ARHGAP10: variants seen among roughly 807,000 people sequenced by gnomAD.
The protein encoded by ARHGAP10 is Rho GTPase activating protein 10.
A neutral mutation model predicts 108.6 loss-of-function variants in ARHGAP10; 87 were observed. The ratio of observed to expected loss-of-function variants is 0.80; its 90% confidence interval spans 0.67 to 0.96. The LOEUF is 0.96. Ranked by LOEUF, ARHGAP10 falls within the 40% of genes least tolerant of loss-of-function variation. ARHGAP10 has a pLI of 0.00. For missense variants in ARHGAP10, 939 were observed against 954.5 expected, an observed-to-expected ratio of 0.98 and a Z score of 0.21; for synonymous variants, 347 against 341.1, an observed-to-expected ratio of 1.02 and a Z score of -0.19.
chr4:148,014,093 GA>G (rs1256823809), intron 18 of ARHGAP10, among the ~76,000 whole-genome samples: 5 of 152,060 alleles, frequency 3.3e-5, no homozygotes, highest in Non-Finnish European at 7.4e-5. Context: ...AAGAAGAGGA[GA>G]AAAAAAGGAA....
chr4:147,871,416 A>G (rs1734818936), intron 7 of ARHGAP10, among the ~76,000 whole-genome samples: 1 of 152,146 alleles, frequency 6.6e-6, no homozygotes, highest in Non-Finnish European at 1.5e-5. Flanking sequence ...TTACAATGAT[A>G]TGGTTTAGTT....
chr4:148,016,445 G>C (rs2149658473), intron 18 of ARHGAP10, among the ~76,000 whole-genome samples: 1 of 152,232 alleles, frequency 6.6e-6, no homozygotes, highest in South Asian at 2.1e-4. Context: ...CAAGGCTGCA[G>C]CGACCTGTGA....
chr4:148,063,138 C>T lies in ARHGAP10; in HGVS notation c.2028-10C>T, dbSNP rs1729695012. On this transcript the variant is annotated splice_polypyrimidine_tract_variant and intron_variant, in intron 20 of 22. Transcript: ENST00000336498. ...GCTATTAATCCTGTCCTTCAAACTCCTACCCTTAGCCCAGGCCAGACCCGA... is the reference window on the plus strand; with the variant it reads ...GCTATTAATCCTGTCCTTCAAACTCTTACCCTTAGCCCAGGCCAGACCCGA... 6.2e-7 allele frequency: 1 copy of T among 1,613,854 alleles called. No homozygotes were observed. The highest frequency in any genetic ancestry group is 1.3e-5 in the African/African-American group (1 of 74,892).
intron 1 of ARHGAP10, among the ~76,000 whole-genome samples, chr4:147,758,843 G>A (rs1199441731): frequency 2.0e-5 from 3 of 151,800 alleles, no homozygotes; most frequent in Non-Finnish European, 4.4e-5. Context: ...GTTGGGGGTG[G>A]TGGTGCGTGC....
At chr4:147,791,551 C>T (rs530443621) in intron 1 of ARHGAP10, among the ~76,000 whole-genome samples, 120 of 151,772 alleles carry the variant, frequency 7.9e-4, no homozygotes, top group Non-Finnish European at 1.3e-3. Context: ...CGTGCGTGCG[C>T]GCGTGTATAT....
At chr4:147,800,723 C>A (rs567433615) in intron 1 of ARHGAP10, among the ~76,000 whole-genome samples, 2 of 152,336 alleles carry the variant, frequency 1.3e-5, no homozygotes, top group African/African-American at 4.8e-5. Flanking sequence ...GTTATCTCCT[C>A]TGCTATTTCC....
At chr4:147,742,281 C>T (rs1354862004) in intron 1 of ARHGAP10, among the ~76,000 whole-genome samples, 1 of 151,934 alleles carries the variant, frequency 6.6e-6, no homozygotes, top group East Asian at 1.9e-4. Context: ...GTAAAATGGC[C>T]CTAGTAAGAA....
At chr4:147,837,343 T>TA (rs1279829246) in intron 3 of ARHGAP10, among the ~76,000 whole-genome samples, 13 of 152,320 alleles carry the variant, frequency 8.5e-5, no homozygotes, top group African/African-American at 3.1e-4. Flanking sequence ...TCTGAAATTC[T>TA]AAAAAATACT....
chr4:148,015,661 G>T (rs555042999), intron 18 of ARHGAP10, among the ~76,000 whole-genome samples: 1 of 152,302 alleles, frequency 6.6e-6, no homozygotes, highest in African/African-American at 2.4e-5. Flanking sequence ...CTGTTCACGT[G>T]GTAGCTACTC....
At chr4:147,852,052 T>C (rs1236033244) in intron 4 of ARHGAP10, among the ~76,000 whole-genome samples, 3 of 152,212 alleles carry the variant, frequency 2.0e-5, no homozygotes, top group Non-Finnish European at 4.4e-5. Context: ...TTGAGTGAAT[T>C]TGATAATGTA....
At chr4:147,925,116 C>T (rs1399556429) in intron 13 of ARHGAP10, among the ~76,000 whole-genome samples, 1 of 152,124 alleles carries the variant, frequency 6.6e-6, no homozygotes, top group Non-Finnish European at 1.5e-5. Flanking sequence ...GATTTGTGGA[C>T]ATTTGAGCAT....
At chr4:147,770,851 A>G (rs547734199) in intron 1 of ARHGAP10, among the ~76,000 whole-genome samples, 1 of 152,128 alleles carries the variant, frequency 6.6e-6, no homozygotes, top group Admixed American at 6.5e-5. Flanking sequence ...TAGCAGTCTT[A>G]TTTTCTAGTA....
chr4:147,836,007 G>C (rs1290658532), intron 3 of ARHGAP10, among the ~76,000 whole-genome samples: 1 of 152,138 alleles, frequency 6.6e-6, no homozygotes, highest in African/African-American at 2.4e-5. Flanking sequence ...AGTAGCTTTT[G>C]TTTTATGATT....
intron 18 of ARHGAP10, among the ~76,000 whole-genome samples, chr4:148,000,363 T>G (rs974754027): frequency 5.3e-5 from 8 of 152,214 alleles, no homozygotes; most frequent in African/African-American, 1.7e-4. Flanking sequence ...TCTTTGCTAT[T>G]GTGAATAGTG....
chr4:147,913,906 A>C (rs1326889290), intron 13 of ARHGAP10, among the ~76,000 whole-genome samples: 1 of 152,200 alleles, frequency 6.6e-6, no homozygotes, highest in African/African-American at 2.4e-5. Context: ...TAATCCCAGC[A>C]CTTTGGGAGG....
At chr4:147,735,530 GGGAT>G (rs1312457039) in intron 1 of ARHGAP10, among the ~76,000 whole-genome samples, 5 of 152,204 alleles carry the variant, frequency 3.3e-5, no homozygotes, top group Admixed American at 1.3e-4. Context: ...GTAGTAGACT[GGGAT>G]GGATGGAGAG....
intron 1 of ARHGAP10, among the ~76,000 whole-genome samples, chr4:147,739,186 C>CAAAA (rs59965552): frequency 1.4e-5 from 1 of 69,956 alleles, no homozygotes. Context: ...GACTCTGTCT[C>CAAAA]AAAAAAAAAA....
chr4:147,937,105 G>A (rs186113732), intron 13 of ARHGAP10, among the ~76,000 whole-genome samples: 1 of 152,264 alleles, frequency 6.6e-6, no homozygotes, highest in African/African-American at 2.4e-5. Context: ...TGTCTTCCAT[G>A]AAACCAGCCC....
intron 10 of ARHGAP10, among the ~76,000 whole-genome samples, chr4:147,898,787 T>A (rs1174864246): frequency 6.9e-6 from 1 of 145,058 alleles, no homozygotes; most frequent in African/African-American, 2.5e-5. Context: ...CCAAACTGTT[T>A]CAGCCTCTGC....
Sources: allele counts gnomAD v4.1 joint callset (sites outside exome capture counted in the v4.1 genomes callset), GRCh38; gene constraint gnomAD v4.1.1; transcripts MANE v1.5; gene names NCBI Gene and HGNC (gene_info 2026-07-23, HGNC 2026-07-21).